AOPEP: variants seen among roughly 807,000 people sequenced by gnomAD.
The protein encoded by AOPEP is aminopeptidase O (putative).
AOPEP carries 77 observed loss-of-function variants against 98.1 expected under a neutral mutation model. That is an observed-to-expected ratio of 0.78 (90% confidence interval 0.65 to 0.95). AOPEP has a LOEUF of 0.95. AOPEP is among the 40% of genes least tolerant of loss of function. The pLI is 0.00. For synonymous variants in AOPEP, 346 were observed against 365.3 expected, an observed-to-expected ratio of 0.95 and a Z score of 0.60; for missense variants, 1,024 against 1,024.7, an observed-to-expected ratio of 1.00 and a Z score of 0.01.
intron 13 of AOPEP, among the ~76,000 whole-genome samples, chr9:95,060,140 C>T (rs960473027): frequency 3.9e-5 from 6 of 152,132 alleles, no homozygotes; most frequent in Non-Finnish European, 7.4e-5. Context: ...TGTGTACAGC[C>T]TTTTGAGCTT....
At chr9:94,958,259 A>G (rs1319632451) in intron 9 of AOPEP, among the ~76,000 whole-genome samples, 3 of 152,348 alleles carry the variant, frequency 2.0e-5, no homozygotes, top group South Asian at 2.1e-4. Flanking sequence ...CATTGCATGT[A>G]TATATCACAT....
At chr9:94,871,657 G>T (rs1016424418) in intron 5 of AOPEP, among the ~76,000 whole-genome samples, 1 of 152,072 alleles carries the variant, frequency 6.6e-6, no homozygotes, top group Non-Finnish European at 1.5e-5. Flanking sequence ...ATATTTATTG[G>T]TACTGAAGTT....
chr9:94,979,902 C>T (rs2060077999), intron 11 of AOPEP, among the ~76,000 whole-genome samples: 1 of 152,212 alleles, frequency 6.6e-6, no homozygotes, highest in African/African-American at 2.4e-5. Flanking sequence ...CCCTGACACG[C>T]CTGTGGCTCC....
At chr9:94,813,838 C>A (rs1851139768) in intron 5 of AOPEP, among the ~76,000 whole-genome samples, 1 of 152,194 alleles carries the variant, frequency 6.6e-6, no homozygotes, top group African/African-American at 2.4e-5. Flanking sequence ...ATTCTGCTCC[C>A]CATAGGATGC....
intron 11 of AOPEP, among the ~76,000 whole-genome samples, chr9:94,999,282 T>A (rs2061419099): frequency 6.6e-6 from 1 of 150,638 alleles, no homozygotes; most frequent in Non-Finnish European, 1.5e-5. Flanking sequence ...AACATGAAAA[T>A]AATGGTAGAA....
chr9:95,068,134 G>T (rs1161328578), intron 14 of AOPEP, among the ~76,000 whole-genome samples: 1 of 152,224 alleles, frequency 6.6e-6, no homozygotes, highest in Non-Finnish European at 1.5e-5. Context: ...GAATAATGCT[G>T]CTAGGAACAT....
At chr9:94,793,084 G>T (rs1846087556) in intron 4 of AOPEP, among the ~76,000 whole-genome samples, 166 bp downstream of exon 4, 1 of 152,206 alleles carries the variant, frequency 6.6e-6, no homozygotes. Flanking sequence ...GGAAAGAGAG[G>T]GCTAGGCGCA....
At chr9:94,875,500 A>G (rs1427057014) in intron 5 of AOPEP, among the ~76,000 whole-genome samples, 1 of 152,188 alleles carries the variant, frequency 6.6e-6, no homozygotes, top group African/African-American at 2.4e-5. Flanking sequence ...AAGGTAGAGA[A>G]ACAGCTGAAT....
At chr9:95,024,140 G>A (rs2063665138) in intron 13 of AOPEP, among the ~76,000 whole-genome samples, 1 of 152,150 alleles carries the variant, frequency 6.6e-6, no homozygotes, top group Admixed American at 6.5e-5. Context: ...CATGTCAAAT[G>A]TTAGATCAGC....
chr9:95,097,008 G>A, the AOPEP span, among the ~76,000 whole-genome samples: 34 of 152,340 alleles, frequency 2.2e-4, no homozygotes, highest in South Asian at 7.0e-3. Context: ...CACCACTGGT[G>A]GAAGGGGTGC....
intron 5 of AOPEP, among the ~76,000 whole-genome samples, chr9:94,922,146 A>T (rs1012368335): frequency 1.3e-5 from 2 of 152,232 alleles, no homozygotes; most frequent in Non-Finnish European, 2.9e-5. Context: ...GCTTTTGTGC[A>T]TTCCTTCAGG....
At chr9:95,089,114 G>A (rs1043069779), downstream of AOPEP, among the ~76,000 whole-genome samples, 3 of 152,220 alleles carry the variant, frequency 2.0e-5, no homozygotes, top group East Asian at 5.8e-4. Flanking sequence ...GACTCTGAAT[G>A]GGTTCTGCTA....
At chr9:95,125,419 T>C in the AOPEP span, among the ~76,000 whole-genome samples, 1,074 of 152,300 alleles carry the variant, frequency 7.1e-3, 11 homozygotes, top group African/African-American at 0.024. Context: ...CTTAAATTAT[T>C]AAGCAATGCA....
At chr9:94,948,202 A>G (rs1279316231) in intron 7 of AOPEP, among the ~76,000 whole-genome samples, 1 of 152,070 alleles carries the variant, frequency 6.6e-6, no homozygotes, top group Non-Finnish European at 1.5e-5. Context: ...TAAGCCAGTA[A>G]ATCACCATTC....
At chr9:94,991,760 C>A (rs1241221573) in intron 11 of AOPEP, among the ~76,000 whole-genome samples, 4 of 152,042 alleles carry the variant, frequency 2.6e-5, no homozygotes, top group Non-Finnish European at 5.9e-5. Context: ...ATATACATGC[C>A]CCTCTTCCAC....
intron 2 of AOPEP, among the ~76,000 whole-genome samples, chr9:94,772,245 C>T (rs552373566): frequency 2.0e-5 from 3 of 152,258 alleles, no homozygotes; most frequent in African/African-American, 7.2e-5. Flanking sequence ...CAAGAGTGGA[C>T]CCTTTGATCT....
chr9:94,799,081 A>G (rs554582476), intron 4 of AOPEP, among the ~76,000 whole-genome samples: 2 of 152,368 alleles, frequency 1.3e-5, no homozygotes, highest in Middle Eastern at 3.4e-3. Flanking sequence ...TCTATGAACC[A>G]TGCTGCTAGA....
intron 3 of AOPEP, among the ~76,000 whole-genome samples, chr9:94,791,187 C>T (rs1458116404): frequency 3.3e-5 from 5 of 152,094 alleles, no homozygotes; most frequent in African/African-American, 1.2e-4. Context: ...ATGTCCTTTG[C>T]AGCAACATGG....
chr9:95,085,433 T>A (rs145551954), intron 16 of AOPEP: 2 of 531,948 alleles, frequency 3.8e-6, no homozygotes, highest in African/African-American at 3.8e-5. Flanking sequence ...CCTTTATTTA[T>A]GCCCAGCGAT....
Sources: allele counts gnomAD v4.1 joint callset (sites outside exome capture counted in the v4.1 genomes callset), GRCh38; gene constraint gnomAD v4.1.1; transcripts MANE v1.5; gene names NCBI Gene and HGNC (gene_info 2026-07-23, HGNC 2026-07-21).